PROS1: variants seen among roughly 807,000 people sequenced by gnomAD.
PROS1 encodes vitamin K-dependent protein S.
In PROS1, 29 loss-of-function variants were observed where a neutral mutation model predicts 75.9. The observed-to-expected ratio is 0.38, with a 90% confidence interval of 0.28 to 0.52. The LOEUF (loss-of-function observed/expected upper bound fraction) is 0.52. PROS1 is among the 20% of genes least tolerant of loss of function. PROS1 has a pLI of 0.83. For synonymous variants in PROS1, 245 were observed against 280.6 expected (o/e 0.87, Z 1.27); for missense variants, 680 against 810.3 (o/e 0.84, Z 1.95).
At chr3:93,942,258 C>G (rs8178602) in intron 1 of PROS1, among the ~76,000 whole-genome samples, 62 of 152,286 alleles carry the variant, frequency 4.1e-4, no homozygotes, top group African/African-American at 1.5e-3. Flanking sequence ...AGAGCCCTCA[C>G]TCTTGCAAAG....
At chr3:93,909,634 C>T (rs907613605) in intron 4 of PROS1, among the ~76,000 whole-genome samples, 33 of 152,040 alleles carry the variant, frequency 2.2e-4, no homozygotes, top group African/African-American at 8.0e-4. Flanking sequence ...CTAAACTTCC[C>T]AGTCAACTGT....
intron 4 of PROS1, 109 bp downstream of exon 4, chr3:93,910,510 C>T: frequency 1.1e-6 from 1 of 877,870 alleles, no homozygotes; most frequent in Non-Finnish European, 1.9e-6. Flanking sequence ...GCATACAACC[C>T]ATCAAAGGAT....
At chr3:93,913,919 T>A (rs541453507) in intron 3 of PROS1, among the ~76,000 whole-genome samples, 20 of 152,232 alleles carry the variant, frequency 1.3e-4, no homozygotes, top group Middle Eastern at 3.4e-3. Context: ...GAAAAACAGG[T>A]AAGAACAGTA....
intron 1 of PROS1, among the ~76,000 whole-genome samples, chr3:93,937,035 G>C (rs1270105430): frequency 6.6e-6 from 1 of 152,176 alleles, no homozygotes; most frequent in Non-Finnish European, 1.5e-5. Context: ...CAAGGGACAG[G>C]AAGAGTTGAT....
At chr3:93,928,725 C>T (rs1709063554) in intron 1 of PROS1, 1 of 1,291,216 alleles carries the variant, frequency 7.7e-7, no homozygotes, top group South Asian at 1.2e-5. Context: ...GAAAAAATTG[C>T]ATCCAGATAA....
intron 2 of PROS1, 46 bp downstream of exon 2, chr3:93,927,204 T>A: frequency 6.2e-7 from 1 of 1,608,948 alleles, no homozygotes; most frequent in Non-Finnish European, 8.5e-7. Flanking sequence ...CAGTCTGTAG[T>A]TGTATGTCTA....
chr3:93,877,967 T>C (rs1398279587), intron 13 of PROS1, among the ~76,000 whole-genome samples: 2 of 152,186 alleles, frequency 1.3e-5, no homozygotes, highest in African/African-American at 4.8e-5. Context: ...GTTGTACATG[T>C]CCGTATCCTT....
At chr3:93,967,238 T>A (rs1365319551) in intron 1 of PROS1, among the ~76,000 whole-genome samples, 1 of 152,174 alleles carries the variant, frequency 6.6e-6, no homozygotes, top group Non-Finnish European at 1.5e-5. Flanking sequence ...AATCAGATTA[T>A]CCGGTAGATT....
intron 3 of PROS1, among the ~76,000 whole-genome samples, chr3:93,921,213 T>G (rs1033384534): frequency 6.6e-6 from 1 of 152,210 alleles, no homozygotes; most frequent in African/African-American, 2.4e-5. Flanking sequence ...ACCTTTAAAT[T>G]TCTGGAATAA....
At chr3:93,877,265 T>C in intron 13 of PROS1, 74 bp from the exon 14 acceptor site, 6 of 1,204,902 alleles carry the variant, frequency 5.0e-6, no homozygotes, top group Admixed American at 2.0e-5. Context: ...TTTTGAGTTT[T>C]TGAAAGTCAA....
At chr3:93,907,682 C>A (rs1576188156) in intron 4 of PROS1, among the ~76,000 whole-genome samples, 2 of 152,322 alleles carry the variant, frequency 1.3e-5, no homozygotes, top group East Asian at 3.9e-4. Flanking sequence ...CAGGCAAAGG[C>A]ACCACCAGCC....
chr3:93,919,356 G>A (rs1322456567), intron 3 of PROS1, among the ~76,000 whole-genome samples: 1 of 151,624 alleles, frequency 6.6e-6, no homozygotes, highest in Non-Finnish European at 1.5e-5. Context: ...TTTCTAAGGA[G>A]AGGCAGCATA....
intron 1 of PROS1, among the ~76,000 whole-genome samples, chr3:93,969,876 T>G (rs1709850016): frequency 6.6e-6 from 1 of 152,346 alleles, no homozygotes; most frequent in East Asian, 1.9e-4. Flanking sequence ...GGTTTAAGTA[T>G]GTATATAGAT....
At chr3:93,963,936 G>A (rs1383781241) in intron 1 of PROS1, among the ~76,000 whole-genome samples, 4 of 152,132 alleles carry the variant, frequency 2.6e-5, no homozygotes, top group African/African-American at 9.7e-5. Context: ...CAGGGACCCT[G>A]AATGGAGGGA....
chr3:93,927,971 GTGTATATATA>G, intron 1 of PROS1, among the ~76,000 whole-genome samples: 15 of 106,818 alleles, frequency 1.4e-4, no homozygotes, highest in African/African-American at 5.0e-4. Flanking sequence ...ATATATATGT[GTGTATATATA>G]TGTGTGTGTG....
At chr3:93,926,335 T>G (rs1559940824) in intron 2 of PROS1, among the ~76,000 whole-genome samples, 1 of 152,162 alleles carries the variant, frequency 6.6e-6, no homozygotes, top group Non-Finnish European at 1.5e-5. Context: ...AAATCTTTCA[T>G]GTAAAGTAAC....
chr3:93,959,826 T>C (rs1709673766), intron 1 of PROS1, among the ~76,000 whole-genome samples: 1 of 152,210 alleles, frequency 6.6e-6, no homozygotes, highest in African/African-American at 2.4e-5. Flanking sequence ...GTTCTCACCA[T>C]AGGAGTAATT....
At chr3:93,922,608 C>G (rs1463865655) in intron 3 of PROS1, among the ~76,000 whole-genome samples, 1 of 152,096 alleles carries the variant, frequency 6.6e-6, no homozygotes, top group Non-Finnish European at 1.5e-5. Flanking sequence ...TCTTTGGTGA[C>G]CTTATCTCAC....
intron 10 of PROS1, among the ~76,000 whole-genome samples, chr3:93,891,719 G>C (rs1438696776): frequency 2.6e-5 from 4 of 151,774 alleles, no homozygotes; most frequent in Non-Finnish European, 2.9e-5. Context: ...CTAAAATGCT[G>C]ATTTCTAAGC....
Sources: gnomAD v4.1 joint callset for allele counts (sites outside exome capture counted in the v4.1 genomes callset) on GRCh38, gnomAD v4.1.1 for gene constraint, MANE v1.5 for transcripts, NCBI Gene and HGNC (gene_info 2026-07-23, HGNC 2026-07-21) for gene names.